ATF7: variants seen among roughly 807,000 people sequenced by gnomAD.
ATF7 encodes cyclic AMP-dependent transcription factor ATF-7.
A neutral mutation model predicts 50.4 loss-of-function variants in ATF7; 10 were observed. That is an observed-to-expected ratio of 0.20 (90% CI 0.12 to 0.34). The LOEUF is 0.34. Among genes scored for constraint, ATF7 ranks in the 10% least tolerant of loss-of-function variants. ATF7 has a pLI of 1.00. For synonymous variants in ATF7, 201 were observed against 226.4 expected (o/e 0.89, Z 1.01); for missense variants, 465 against 613.9 (o/e 0.76, Z 2.56).
At chr12:53,591,929 G>C (rs775966402) in intron 2 of ATF7, among the ~76,000 whole-genome samples, 1 of 151,940 alleles carries the variant, frequency 6.6e-6, no homozygotes, top group Non-Finnish European at 1.5e-5. Context: ...GTTTTTCAAA[G>C]GCAAAAAGGA....
chr12:53,557,080 A>C (rs1489622349), intron 2 of ATF7, among the ~76,000 whole-genome samples: 1 of 152,154 alleles, frequency 6.6e-6, no homozygotes, highest in Non-Finnish European at 1.5e-5. Flanking sequence ...AGTGTTACTA[A>C]GTGATAAAAA....
intron 2 of ATF7, among the ~76,000 whole-genome samples, chr12:53,568,965 T>G (rs1941603999): frequency 6.6e-6 from 1 of 151,790 alleles, no homozygotes; most frequent in South Asian, 2.1e-4. Context: ...GAGACAAGCC[T>G]GGGCAATATA....
chr12:53,577,248 G>T (rs1327561002), intron 2 of ATF7, among the ~76,000 whole-genome samples: 1 of 151,856 alleles, frequency 6.6e-6, no homozygotes, highest in African/African-American at 2.4e-5. Flanking sequence ...TAGTGACATA[G>T]TAAGACACTG....
chr12:53,572,304 A>G (rs181001375), intron 2 of ATF7, among the ~76,000 whole-genome samples: 2 of 152,296 alleles, frequency 1.3e-5, no homozygotes, highest in Admixed American at 6.5e-5. Flanking sequence ...CCAAATTGGC[A>G]GATATAGAGA....
At chr12:53,568,838 A>C (rs1941594352) in intron 2 of ATF7, among the ~76,000 whole-genome samples, 1 of 152,194 alleles carries the variant, frequency 6.6e-6, no homozygotes, top group East Asian at 1.9e-4. Flanking sequence ...GTCTACACTC[A>C]AAGAAGGCAG....
intron 4 of ATF7, among the ~76,000 whole-genome samples, chr12:53,538,341 G>C (rs1489029610): frequency 2.0e-5 from 3 of 152,160 alleles, no homozygotes; most frequent in Admixed American, 2.0e-4. Flanking sequence ...GATAGGAAAG[G>C]TATTTTCTGG....
rs72114384 is a variant in ATF7 at position 53,550,323 on chromosome 12, C to CAAAA, written c.145+2214_145+2217dup. On this transcript the variant is annotated intron_variant, in intron 3 of 11. Coordinates refer to ENST00000420353, the MANE Select transcript of ATF7 (RefSeq NM_006856.3). ...TGGGCAACAGAGTGAGACCCTGTCT[C>CAAAA]AAAAAAAAAAATAAATAAATAAATA... 3.8e-3 allele frequency among the ~76,000 whole-genome samples: 482 copies of CAAAA among 126,258 alleles called. 3 individuals are homozygous for CAAAA. Among genetic ancestry groups the CAAAA allele is most frequent in the African/African-American group, 0.014 (450 of 33,132 alleles). The allele number at this position is 126,258 out of a possible 152,430, so 82.8% of individuals were successfully genotyped here.
At chr12:53,556,827 A>G (rs1592863673) in intron 2 of ATF7, among the ~76,000 whole-genome samples, 1 of 152,326 alleles carries the variant, frequency 6.6e-6, no homozygotes, top group East Asian at 1.9e-4. Flanking sequence ...GGACCCCCAT[A>G]AGAAAAAAAG....
chr12:53,579,843 C>T (rs187956756), intron 2 of ATF7, among the ~76,000 whole-genome samples: 4,222 of 141,064 alleles, frequency 0.03, 196 homozygotes, highest in African/African-American at 0.1. Context: ...TGCGCAATGC[C>T]TCAGCACAGC....
chr12:53,567,363 T>G (rs1287116627), intron 2 of ATF7, among the ~76,000 whole-genome samples: 1 of 152,000 alleles, frequency 6.6e-6, no homozygotes, highest in East Asian at 1.9e-4. Context: ...GGTAAGAGAG[T>G]GGCACCTTAC....
intron 2 of ATF7, among the ~76,000 whole-genome samples, chr12:53,587,983 G>A (rs1347085857): frequency 6.6e-6 from 1 of 151,226 alleles, no homozygotes; most frequent in East Asian, 1.9e-4. Flanking sequence ...CTTAGTAGCT[G>A]GAATTATAGG....
chr12:53,570,556 C>T (rs557512219), intron 2 of ATF7, among the ~76,000 whole-genome samples: 1 of 152,260 alleles, frequency 6.6e-6, no homozygotes, highest in African/African-American at 2.4e-5. Context: ...GTGGCTTAAA[C>T]AGAACTTTAT....
intron 2 of ATF7, among the ~76,000 whole-genome samples, chr12:53,579,169 G>A (rs889292609): frequency 3.9e-5 from 6 of 152,100 alleles, no homozygotes; most frequent in Admixed American, 1.3e-4. Flanking sequence ...ACTTGAACCT[G>A]GGAGGCAGAG....
intron 5 of ATF7, 52 bp from the exon 6 acceptor site, chr12:53,534,711 G>A: frequency 1.3e-6 from 2 of 1,563,772 alleles, no homozygotes; most frequent in South Asian, 2.3e-5. Context: ...GTGCTTATAG[G>A]GAAATATATA....
intron 2 of ATF7, among the ~76,000 whole-genome samples, chr12:53,554,508 A>G (rs1337508935): frequency 6.6e-6 from 1 of 151,762 alleles, no homozygotes; most frequent in Non-Finnish European, 1.5e-5. Flanking sequence ...AGGTGGGGGG[A>G]GCCCAGGAGG....
At chr12:53,575,716 G>T in intron 2 of ATF7, 1 of 156,282 alleles carries the variant, frequency 6.4e-6, no homozygotes. Context: ...CAATAAGTGA[G>T]GGCGGGGCTT....
intron 1 of ATF7, among the ~76,000 whole-genome samples, chr12:53,617,691 G>C (rs1944200378): frequency 6.6e-6 from 1 of 152,112 alleles, no homozygotes; most frequent in East Asian, 1.9e-4. Flanking sequence ...CTTTGCTTTG[G>C]TTGGGAACCT....
chr12:53,510,525 C>G (rs1001588960), downstream of ATF7, among the ~76,000 whole-genome samples: 1 of 152,180 alleles, frequency 6.6e-6, no homozygotes, highest in Non-Finnish European at 1.5e-5. Flanking sequence ...CAGTTGTAAT[C>G]CTAGCTCTTG....
chr12:53,509,553 G>A (rs1329019559), downstream of ATF7, among the ~76,000 whole-genome samples: 1 of 150,698 alleles, frequency 6.6e-6, no homozygotes, highest in Non-Finnish European at 1.5e-5. Context: ...ACCCAGGCTG[G>A]AGTGCAGTGG....
Sources: allele counts gnomAD v4.1 joint callset (sites outside exome capture counted in the v4.1 genomes callset), GRCh38; gene constraint gnomAD v4.1.1; transcripts MANE v1.5; gene names NCBI Gene and HGNC (gene_info 2026-07-23, HGNC 2026-07-21).